TRDN: variants seen among roughly 807,000 people sequenced by gnomAD.
TRDN encodes triadin.
Under a neutral mutation model 149.7 loss-of-function variants are expected in TRDN, and 161 were observed. The ratio of observed to expected loss-of-function variants is 1.08; its 90% CI spans 0.95 to 1.23. TRDN has a LOEUF of 1.23. TRDN is among the 50% of genes most tolerant of loss of function. The probability of loss-of-function intolerance (pLI) is 0.00; values close to 1 mark genes in which losing one functional copy is unlikely to be tolerated. For synonymous variants in TRDN, 294 were observed against 250.5 expected (o/e 1.17, Z -1.64); for missense variants, 896 against 823.5 (o/e 1.09, Z -1.08).
intron 33 of TRDN, among the ~76,000 whole-genome samples, chr6:123,261,800 C>G (rs925384658): frequency 2.6e-5 from 4 of 151,732 alleles, no homozygotes; most frequent in African/African-American, 9.7e-5. Context: ...TTTTGACTTC[C>G]AACCCTTAAT....
At chr6:123,586,189 C>T (rs567184457) in intron 1 of TRDN, among the ~76,000 whole-genome samples, 1 of 152,172 alleles carries the variant, frequency 6.6e-6, no homozygotes, top group East Asian at 1.9e-4. Context: ...TTAGCTTCAG[C>T]CACCTTTTTA....
At position 123,364,365 on chromosome 6, in the gene TRDN, G is replaced by A. The variant is rs370109082; in HGVS notation, c.1321+1770C>T. Reference sequence around the variant, plus strand: ...ATATAAAATCTAATTCCAGTCGGGCGTGGTGGCTCACGCCTGTAATTCCAA... The same window carrying A: ...ATATAAAATCTAATTCCAGTCGGGCATGGTGGCTCACGCCTGTAATTCCAA... On this transcript the variant is annotated intron_variant, in intron 20 of 40. Transcript: ENST00000334268. 4.6e-5 allele frequency among the ~76,000 whole-genome samples: 7 copies of A among 152,282 alleles called. No individual in the cohort carries two copies. In the East Asian group the frequency reaches 7.7e-4, roughly 17 times the overall value.
At chr6:123,357,574 T>C (rs145584624) in intron 20 of TRDN, among the ~76,000 whole-genome samples, 38 of 152,258 alleles carry the variant, frequency 2.5e-4, no homozygotes, top group African/African-American at 9.1e-4. Flanking sequence ...AGATGTGTAG[T>C]GCCTGAGTCT....
intron 9 of TRDN, among the ~76,000 whole-genome samples, chr6:123,466,460 T>A (rs1205360638): frequency 6.6e-6 from 1 of 152,102 alleles, no homozygotes; most frequent in Non-Finnish European, 1.5e-5. Context: ...TGCTAATAAG[T>A]GGAATTGGAT....
At chr6:123,226,381 A>T (rs1394268448) in intron 38 of TRDN, among the ~76,000 whole-genome samples, 1 of 151,898 alleles carries the variant, frequency 6.6e-6, no homozygotes, top group East Asian at 1.9e-4. Context: ...AATGAGGCAA[A>T]GTCCGTGTCC....
chr6:123,636,030 G>A (rs1460770311), intron 1 of TRDN, among the ~76,000 whole-genome samples: 1 of 151,856 alleles, frequency 6.6e-6, no homozygotes, highest in Non-Finnish European at 1.5e-5. Context: ...CATAAAGATA[G>A]AATTTACCAT....
At chr6:123,341,807 A>C (rs1416380382) in intron 21 of TRDN, among the ~76,000 whole-genome samples, 2 of 152,010 alleles carry the variant, frequency 1.3e-5, no homozygotes, top group Non-Finnish European at 2.9e-5. Context: ...CTTAAATTAC[A>C]CTTGTATATT....
At chr6:123,265,179 T>C in intron 33 of TRDN, 139 bp downstream of exon 33, 1 of 583,624 alleles carries the variant, frequency 1.7e-6, no homozygotes, top group Middle Eastern at 4.8e-4. Context: ...TCAACCAGAC[T>C]CACTTATATG....
At chr6:123,489,881 T>C (rs1364646813) in intron 9 of TRDN, among the ~76,000 whole-genome samples, 1 of 139,740 alleles carries the variant, frequency 7.2e-6, no homozygotes, top group Non-Finnish European at 1.5e-5. Context: ...TGGAGACATC[T>C]TTTTTTTTTT....
rs76319130 is a variant in TRDN, at chr6:123,342,121, G to A, written c.1370-4452C>T. On this transcript the variant is annotated intron_variant, in intron 21 of 40. Transcript: ENST00000334268. ...CACTTTGATATTCTTATCCTTATGC[G>A]CCTTAATAATCTGACTACTAATCAA... Among the ~76,000 whole-genome samples the A allele has an allele frequency of 3.1e-3, 468 of 151,880 alleles. 16 individuals carry two copies. In the East Asian group the frequency reaches 0.076, roughly 25 times the overall value.
intron 38 of TRDN, among the ~76,000 whole-genome samples, chr6:123,247,586 A>C (rs964422451): frequency 1.3e-5 from 2 of 152,212 alleles, no homozygotes; most frequent in South Asian, 4.1e-4. Flanking sequence ...ACCATTGCTT[A>C]AGAAAATAAG....
chr6:123,412,560 G>C (rs1023078112), intron 12 of TRDN, among the ~76,000 whole-genome samples: 1 of 152,122 alleles, frequency 6.6e-6, no homozygotes, highest in African/African-American at 2.4e-5. Context: ...CCTAGATTTA[G>C]AATTTCATTG....
chr6:123,275,769 G>A (rs1483253115), intron 26 of TRDN, among the ~76,000 whole-genome samples: 2 of 152,098 alleles, frequency 1.3e-5, no homozygotes, highest in Non-Finnish European at 2.9e-5. Flanking sequence ...ATTCTGATGA[G>A]GGCTCAGAAA....
chr6:123,324,838 A>G (rs1779382051), intron 23 of TRDN, among the ~76,000 whole-genome samples: 1 of 152,200 alleles, frequency 6.6e-6, no homozygotes, highest in Non-Finnish European at 1.5e-5. Flanking sequence ...ACCTCTTTCC[A>G]TCCTATCAAC....
At chr6:123,424,749 C>A (rs147149642) in intron 12 of TRDN, among the ~76,000 whole-genome samples, 1 of 152,114 alleles carries the variant, frequency 6.6e-6, no homozygotes, top group African/African-American at 2.4e-5. Context: ...GTGTTATCGT[C>A]GCCCTTCAGT....
intron 1 of TRDN, among the ~76,000 whole-genome samples, chr6:123,571,434 T>C (rs949632614): frequency 2.0e-5 from 3 of 150,190 alleles, no homozygotes; most frequent in African/African-American, 7.3e-5. Context: ...CTGAATATTT[T>C]AACTTAATTG....
chr6:123,219,509 A>G (rs1042555649), intron 40 of TRDN, among the ~76,000 whole-genome samples: 1 of 151,824 alleles, frequency 6.6e-6, no homozygotes, highest in African/African-American at 2.4e-5. Flanking sequence ...GAAAAATCAT[A>G]GTTAAAGCTA....
At chr6:123,490,868 G>T (rs1450044599) in intron 9 of TRDN, among the ~76,000 whole-genome samples, 1 of 152,166 alleles carries the variant, frequency 6.6e-6, no homozygotes, top group Non-Finnish European at 1.5e-5. Flanking sequence ...ACTTTGAGAG[G>T]CCGAGGTGGG....
chr6:123,290,037 A>C (rs570943117), intron 24 of TRDN, among the ~76,000 whole-genome samples: 1 of 152,242 alleles, frequency 6.6e-6, no homozygotes, highest in South Asian at 2.1e-4. Context: ...CCCAGTGGAA[A>C]GTTTCCCACA....
Sources: gnomAD v4.1 joint callset for allele counts (sites outside exome capture counted in the v4.1 genomes callset) on GRCh38, gnomAD v4.1.1 for gene constraint, MANE v1.5 for transcripts, NCBI Gene and HGNC (gene_info 2026-07-23, HGNC 2026-07-21) for gene names.